Variants in GCNT4 observed in about 807,000 individuals in gnomAD.
The protein encoded by GCNT4 is beta-1,3-galactosyl-O-glycosyl-glycoprotein beta-1,6-N-acetylglucosaminyltransferase 4.
Under a neutral mutation model 31.3 loss-of-function variants are expected in GCNT4, and 17 were observed. The observed-to-expected ratio is 0.54, with a 90% confidence interval of 0.37 to 0.81. The LOEUF (loss-of-function observed/expected upper bound fraction) is 0.81. Ranked by LOEUF, GCNT4 falls within the 40% of genes least tolerant of loss-of-function variation. GCNT4 has a pLI of 0.00. For missense variants in GCNT4, 503 were observed against 525.5 expected (o/e 0.96, Z 0.42); for synonymous variants, 158 against 190.6 (o/e 0.83, Z 1.41).
rs951329978 is a variant in GCNT4, at chr5:75,034,632, C to T, written c.-1-4594G>A. ...AGCGGTATTTCCCCTTCTACCTGCCCGGGTAGACAAGGAGGTCTGACCTGT... is the reference window on the plus strand; with the variant it reads ...AGCGGTATTTCCCCTTCTACCTGCCTGGGTAGACAAGGAGGTCTGACCTGT... On this transcript the variant is annotated intron_variant, in intron 3 of 3. Transcript: ENST00000652361. Among the ~76,000 whole-genome samples the T allele has an allele frequency of 6.6e-5, 10 of 152,312 alleles. No individual in the cohort carries two copies. The South Asian group carries it at 1.0e-3, about 16-fold the overall frequency.
chr5:75,033,947 T>G (rs1187462443), intron 3 of GCNT4, among the ~76,000 whole-genome samples: 3 of 152,230 alleles, frequency 2.0e-5, no homozygotes, highest in African/African-American at 7.2e-5. Flanking sequence ...TTTGGCTTTC[T>G]GTTCCTGTGT....
rs140008492 is a variant in GCNT4, at chr5:75,030,848, T to C, written c.-1-810A>G. 897 of 167,142 alleles carry C rather than the reference T, an allele frequency of 5.4e-3. 6 individuals carry two copies. Among genetic ancestry groups the C allele is most frequent in the South Asian group, 0.018 (89 of 4,818 alleles). The allele number at this position is 167,142 out of a possible 1,614,324, so 10.4% of individuals were successfully genotyped here. A position where few individuals can be genotyped will look rare whatever the true frequency, so the allele number is the denominator to read the frequency against. ...CACAAAGAGGTTCCCTACAGTGTTT[T>C]GTATTCAGGCAAGACAGAAAATCTC... is the stretch of plus-strand genomic sequence containing the variant. On this transcript the variant is annotated intron_variant, in intron 3 of 3. Transcript: ENST00000652361.
chr5:75,031,723 T>A (rs916063120), intron 3 of GCNT4, among the ~76,000 whole-genome samples: 2 of 152,140 alleles, frequency 1.3e-5, no homozygotes, highest in Non-Finnish European at 2.9e-5. Context: ...TAAAAATGAT[T>A]ATATTACTTT....
the GCNT4 span, among the ~76,000 whole-genome samples, chr5:75,018,384 C>T: frequency 6.6e-6 from 1 of 152,104 alleles, no homozygotes; most frequent in Non-Finnish European, 1.5e-5. Context: ...TGGGTTCAAG[C>T]GATTCTCCTG....
chr5:75,042,950 C>A (rs904329063), intron 3 of GCNT4, among the ~76,000 whole-genome samples: 2 of 152,132 alleles, frequency 1.3e-5, no homozygotes, highest in Non-Finnish European at 2.9e-5. Context: ...TAAAAATCTG[C>A]AGTGCTTGGG....
chr5:75,031,822 G>A (rs923115981), intron 3 of GCNT4, among the ~76,000 whole-genome samples: 5 of 152,194 alleles, frequency 3.3e-5, no homozygotes, highest in Admixed American at 6.5e-5. Context: ...ACTAGCCCAA[G>A]GCTCCAGGAC....
intron 3 of GCNT4, among the ~76,000 whole-genome samples, chr5:75,032,647 G>C (rs897825009): frequency 2.0e-5 from 3 of 152,190 alleles, no homozygotes; most frequent in Non-Finnish European, 4.4e-5. Context: ...ATAGCCCAGG[G>C]TCTGTTGACT....
downstream of GCNT4, among the ~76,000 whole-genome samples, chr5:75,024,466 C>T (rs1235289637): frequency 2.6e-5 from 4 of 152,198 alleles, no homozygotes; most frequent in African/African-American, 9.6e-5. Context: ...ACTGGGTAGG[C>T]TGGTGACTGT....
chr5:75,045,585 A>G (rs899266489), intron 3 of GCNT4, among the ~76,000 whole-genome samples: 6 of 152,228 alleles, frequency 3.9e-5, no homozygotes, highest in Admixed American at 1.3e-4. Context: ...TAATTCTGCT[A>G]TGAACAAGGG....
intron 3 of GCNT4, among the ~76,000 whole-genome samples, chr5:75,041,415 A>AC (rs1447349298): frequency 4.6e-5 from 7 of 152,226 alleles, no homozygotes; most frequent in African/African-American, 1.7e-4. Context: ...GCAATTATGA[A>AC]CGTCATCATC....
chr5:75,026,664 A>AC lies in GCNT4; in HGVS notation c.*2011_*2012insG, dbSNP rs1742951470. 2 of 151,368 alleles carry AC rather than the reference A, an allele frequency of 1.3e-5. No individual in the cohort carries two copies. The highest frequency in any genetic ancestry group is 3.9e-4 in the East Asian group (2 of 5,170). The allele number at this position is 151,368 out of a possible 1,614,324, so 9.4% of individuals were successfully genotyped here. A position where few individuals can be genotyped will look rare whatever the true frequency, so the allele number is the denominator to read the frequency against. On this transcript the variant is annotated 3_prime_UTR_variant, in exon 4 of 4. Transcript: ENST00000652361. ...GATTCTCACAAAAAAAAAAAAAAAA[A>AC]AAAAAAAACACTTGTGTGGAAGCAA...
chr5:75,030,172 C>A, intron 3 of GCNT4, 134 bp from the exon 4 acceptor site: 1 of 778,262 alleles, frequency 1.3e-6, no homozygotes, highest in East Asian at 2.6e-5. Flanking sequence ...GGTTTTTACC[C>A]TTGAAAGAAT....
chr5:75,033,940 G>C lies in GCNT4; in HGVS notation c.-1-3902C>G. Among the ~76,000 whole-genome samples, 2 of 152,066 alleles carry C rather than the reference G, an allele frequency of 1.3e-5. 1 individual carries two copies. The highest frequency in any genetic ancestry group is 4.1e-4 in the South Asian group (2 of 4,820). On this transcript the variant is annotated intron_variant, in intron 3 of 3. Coordinates refer to ENST00000652361, the MANE Select transcript of GCNT4 (RefSeq NM_001366737.1). ...TTATGAGTGAGAACATGAGGTATTT[G>C]GCTTTCTGTTCCTGTGTTAGTTTGC...
downstream of GCNT4, among the ~76,000 whole-genome samples, chr5:75,024,598 C>T (rs1742919928): frequency 6.6e-6 from 1 of 152,104 alleles, no homozygotes; most frequent in Non-Finnish European, 1.5e-5. Flanking sequence ...ATCAGGAATC[C>T]TCCACCAGCA....
At chr5:75,053,008 G>A (rs112592638), upstream of GCNT4, among the ~76,000 whole-genome samples, 1 of 151,954 alleles carries the variant, frequency 6.6e-6, no homozygotes, top group African/African-American at 2.4e-5. Flanking sequence ...GCCCGGCGCC[G>A]GCGCGCTCGC....
chr5:75,023,577 G>C (rs1411627554), downstream of GCNT4, among the ~76,000 whole-genome samples: 2 of 152,188 alleles, frequency 1.3e-5, no homozygotes, highest in Non-Finnish European at 2.9e-5. Context: ...TAGAGGCTGA[G>C]TGAATTGTGG....
At chr5:75,032,667 T>G (rs1743091096) in intron 3 of GCNT4, among the ~76,000 whole-genome samples, 1 of 152,148 alleles carries the variant, frequency 6.6e-6, no homozygotes, top group Non-Finnish European at 1.5e-5. Flanking sequence ...TGGTCTCAGC[T>G]TTTTGCTCCT....
chr5:75,031,068 A>G (rs745311842), intron 3 of GCNT4, among the ~76,000 whole-genome samples: 4 of 151,094 alleles, frequency 2.6e-5, no homozygotes, highest in Non-Finnish European at 5.9e-5. Flanking sequence ...ACATTAGCAA[A>G]CTTTTTCTCT....
intron 3 of GCNT4, among the ~76,000 whole-genome samples, chr5:75,034,886 G>A (rs1282072135): frequency 6.6e-6 from 1 of 152,262 alleles, no homozygotes; most frequent in Non-Finnish European, 1.5e-5. Flanking sequence ...GAAGCAGCAA[G>A]AACACAGAGG....
Sources: gnomAD v4.1 joint callset for allele counts (sites outside exome capture counted in the v4.1 genomes callset) on GRCh38, gnomAD v4.1.1 for gene constraint, MANE v1.5 for transcripts, NCBI Gene and HGNC (gene_info 2026-07-23, HGNC 2026-07-21) for gene names.